Variants in PCDH7 observed in about 807,000 individuals in gnomAD.
The protein encoded by PCDH7 is protocadherin-7.
PCDH7 carries 17 observed loss-of-function variants against 58.9 expected under a neutral mutation model. The ratio of observed to expected loss-of-function variants is 0.29; its 90% CI spans 0.20 to 0.43. PCDH7 has a LOEUF of 0.43. Among genes scored for constraint, PCDH7 ranks in the 20% least tolerant of loss-of-function variants. The probability of loss-of-function intolerance (pLI) is 1.00; values close to 1 mark genes in which losing one functional copy is unlikely to be tolerated. For missense variants in PCDH7, 1,274 were observed against 1,441.0 expected (o/e 0.88, Z 1.88); for synonymous variants, 664 against 616.4 (o/e 1.08, Z -1.14).
chr4:30,917,986 CTT>C (rs1448179805), intron 1 of PCDH7, among the ~76,000 whole-genome samples: 1 of 151,938 alleles, frequency 6.6e-6, no homozygotes, highest in East Asian at 1.9e-4. Context: ...ATTGGTATGT[CTT>C]ATGTATTTCT....
chr4:30,909,227 C>G (rs1207786394), intron 1 of PCDH7, among the ~76,000 whole-genome samples: 1 of 152,162 alleles, frequency 6.6e-6, no homozygotes, highest in Non-Finnish European at 1.5e-5. Context: ...CAATATCATA[C>G]TGAATGGGCC....
At chr4:30,985,495 G>A (rs148476465) in intron 3 of PCDH7, among the ~76,000 whole-genome samples, 202 of 152,160 alleles carry the variant, frequency 1.3e-3, no homozygotes, top group African/African-American at 4.6e-3. Context: ...GAATGGCTTA[G>A]GTTTCAGTGG....
intron 2 of PCDH7, among the ~76,000 whole-genome samples, chr4:30,923,715 A>C (rs1743474204): frequency 1.3e-5 from 2 of 152,162 alleles, no homozygotes; most frequent in Non-Finnish European, 2.9e-5. Context: ...AAACCTTATT[A>C]GTTATACATT....
chr4:30,874,917 T>C (rs900952406), intron 1 of PCDH7, among the ~76,000 whole-genome samples: 5 of 152,022 alleles, frequency 3.3e-5, no homozygotes, highest in African/African-American at 1.2e-4. Context: ...TTACTGTGGC[T>C]CCTGAATATA....
intron 1 of PCDH7, among the ~76,000 whole-genome samples, chr4:30,754,254 A>C (rs1718985304): frequency 6.6e-6 from 1 of 152,048 alleles, no homozygotes; most frequent in African/African-American, 2.4e-5. Flanking sequence ...GACTCATTAG[A>C]AAATGTCCTG....
intron 3 of PCDH7, among the ~76,000 whole-genome samples, chr4:31,043,751 C>T (rs1347279770): frequency 6.6e-6 from 1 of 151,984 alleles, no homozygotes; most frequent in Non-Finnish European, 1.5e-5. Context: ...TTTGTTCACT[C>T]TGATAATAGT....
At chr4:31,099,419 A>T (rs1714605858) in intron 3 of PCDH7, among the ~76,000 whole-genome samples, 1 of 152,242 alleles carries the variant, frequency 6.6e-6, no homozygotes, top group Non-Finnish European at 1.5e-5. Context: ...GGACAGATAC[A>T]TTTATCAGAA....
chr4:30,861,905 G>C (rs1174928358), intron 1 of PCDH7, among the ~76,000 whole-genome samples: 1 of 151,958 alleles, frequency 6.6e-6, no homozygotes, highest in Non-Finnish European at 1.5e-5. Flanking sequence ...TAAATTTCTG[G>C]TTCATTTTGG....
chr4:30,889,710 T>A (rs890323672), intron 1 of PCDH7, among the ~76,000 whole-genome samples: 14 of 152,158 alleles, frequency 9.2e-5, no homozygotes, highest in African/African-American at 3.4e-4. Flanking sequence ...TGGTCTCATA[T>A]GGTGTAAGGA....
chr4:30,971,030 C>A (rs558384701), intron 3 of PCDH7, among the ~76,000 whole-genome samples: 22 of 152,232 alleles, frequency 1.4e-4, no homozygotes, highest in African/African-American at 5.3e-4. Flanking sequence ...TTCAGGTTAG[C>A]CAAATACAGA....
chr4:31,051,641 A>G (rs1408538893), intron 3 of PCDH7, among the ~76,000 whole-genome samples: 1 of 152,186 alleles, frequency 6.6e-6, no homozygotes, highest in Non-Finnish European at 1.5e-5. Context: ...ATTCTTAACA[A>G]GTAAAATAAA....
chr4:30,839,743 A>T (rs1360775878), intron 1 of PCDH7, among the ~76,000 whole-genome samples: 1 of 152,156 alleles, frequency 6.6e-6, no homozygotes, highest in Non-Finnish European at 1.5e-5. Flanking sequence ...GCAGTATTGT[A>T]CTAAAAGCCA....
chr4:30,866,189 G>T (rs1000347368), intron 1 of PCDH7, among the ~76,000 whole-genome samples: 2 of 151,920 alleles, frequency 1.3e-5, no homozygotes, highest in African/African-American at 2.4e-5. Flanking sequence ...TTTTAAAAAA[G>T]CTGGTTCTAT....
chr4:30,881,858 T>C (rs1056640293), intron 1 of PCDH7, among the ~76,000 whole-genome samples: 1 of 152,170 alleles, frequency 6.6e-6, no homozygotes, highest in South Asian at 2.1e-4. Flanking sequence ...TATTCCTTAA[T>C]CTGAAGTATT....
chr4:30,873,902 G>A (rs1031915274), intron 1 of PCDH7, among the ~76,000 whole-genome samples: 1 of 151,438 alleles, frequency 6.6e-6, no homozygotes, highest in African/African-American at 2.4e-5. Flanking sequence ...TTTAATTTAA[G>A]GATCAAAAGT....
At chr4:30,774,114 AC>A (rs1721762400) in intron 1 of PCDH7, among the ~76,000 whole-genome samples, 1 of 151,990 alleles carries the variant, frequency 6.6e-6, no homozygotes. Flanking sequence ...TTGCTTTCTG[AC>A]TTTTCTCTGA....
At chr4:30,961,315 C>A (rs1748404692) in intron 3 of PCDH7, among the ~76,000 whole-genome samples, 1 of 151,330 alleles carries the variant, frequency 6.6e-6, no homozygotes, top group African/African-American at 2.4e-5. Flanking sequence ...GAGGCCGAGG[C>A]GGGTGGATCA....
chr4:31,015,048 T>G (rs927675490), intron 3 of PCDH7, among the ~76,000 whole-genome samples: 2 of 152,208 alleles, frequency 1.3e-5, no homozygotes, highest in African/African-American at 4.8e-5. Context: ...TCCTTTTCAA[T>G]GAAACTGTGT....
At chr4:31,083,353 T>C (rs1711871630) in intron 3 of PCDH7, among the ~76,000 whole-genome samples, 1 of 152,156 alleles carries the variant, frequency 6.6e-6, no homozygotes, top group Non-Finnish European at 1.5e-5. Flanking sequence ...ATTACTCTTG[T>C]GATATCTTTT....
Sources: allele counts gnomAD v4.1 joint callset (sites outside exome capture counted in the v4.1 genomes callset), GRCh38; gene constraint gnomAD v4.1.1; transcripts MANE v1.5; gene names NCBI Gene and HGNC (gene_info 2026-07-23, HGNC 2026-07-21).